DERA: variants seen among roughly 807,000 people sequenced by gnomAD.
DERA encodes the protein deoxyribose-phosphate aldolase.
Under a neutral mutation model 41.1 loss-of-function variants are expected in DERA, and 15 were observed. The ratio of observed to expected loss-of-function variants is 0.37; its 90% CI spans 0.24 to 0.56. DERA has a LOEUF of 0.56. DERA is among the 20% of genes least tolerant of loss of function. The pLI is 0.81. For synonymous variants in DERA, 139 were observed against 137.4 expected, an observed-to-expected ratio of 1.01 and a Z score of -0.08; for missense variants, 396 against 403.4, an observed-to-expected ratio of 0.98 and a Z score of 0.16.
chr12:15,932,205 C>A (rs1948333515), intron 1 of DERA, among the ~76,000 whole-genome samples: 1 of 152,152 alleles, frequency 6.6e-6, no homozygotes, highest in Non-Finnish European at 1.5e-5. Flanking sequence ...GACTGAAAAG[C>A]ATGAAAGAGA....
In DERA at chr12:15,982,374, C is replaced by T. The variant is rs372680144; in HGVS notation, c.575C>T (p.Ala192Val). 45 of 1,613,562 alleles carry T rather than the reference C, an allele frequency of 2.8e-5. No homozygotes were observed. Among genetic ancestry groups the T allele is most frequent in the Admixed American group, 1.5e-4 (9 of 59,964 alleles). Residue 192 changes from alanine (A) to valine (V), a missense_variant, in exon 6 of 9, where the codon GCG becomes GTG. Coordinates refer to ENST00000428559, the MANE Select transcript of DERA (RefSeq NM_015954.4). The surrounding 1 kb of genome is among the most constrained non-coding windows in gnomAD (Gnocchi z 4.0). The stretch of plus-strand genomic sequence containing the variant: ...GAGGCTCATCTTAAAACTATATTAG[C>T]GACAGGAGAACTTGGAACTCTTACT... ...CGEAHLKTIL[A>V]TGELGTLTNV...
At chr12:15,926,015 G>C (rs1431902190) in intron 1 of DERA, among the ~76,000 whole-genome samples, 2 of 151,422 alleles carry the variant, frequency 1.3e-5, no homozygotes, top group African/African-American at 4.9e-5. Context: ...TAGAGTCGGG[G>C]TTTCACTATG....
chr12:15,951,813 G>A (rs2136143355), intron 1 of DERA, among the ~76,000 whole-genome samples: 1 of 152,200 alleles, frequency 6.6e-6, no homozygotes, highest in Middle Eastern at 3.4e-3. Context: ...ATTTTAAAAA[G>A]CACACTGCTG....
chr12:16,022,328 C>G (rs909804505), intron 6 of DERA, among the ~76,000 whole-genome samples: 1 of 152,170 alleles, frequency 6.6e-6, no homozygotes, highest in Non-Finnish European at 1.5e-5. Context: ...TCCCAAGGCC[C>G]TTACCAGGAG....
At chr12:15,951,038 C>T (rs1264347542) in intron 1 of DERA, among the ~76,000 whole-genome samples, 2 of 152,166 alleles carry the variant, frequency 1.3e-5, no homozygotes. Context: ...GGTAGAGATC[C>T]CTGCAGATTC....
chr12:15,934,694 G>A (rs983062851), intron 1 of DERA, among the ~76,000 whole-genome samples: 6 of 152,058 alleles, frequency 3.9e-5, no homozygotes, highest in Admixed American at 6.5e-5. Flanking sequence ...CTCTTTCTTC[G>A]ACTTCTTGAT....
In DERA at chr12:15,938,670, T is replaced by A. The variant is rs2136134901; in HGVS notation, c.32-18266T>A. Among the ~76,000 whole-genome samples the A allele has an allele frequency of 6.6e-6, 1 of 152,348 alleles. No individual in the cohort carries two copies. The highest frequency in any genetic ancestry group is 2.1e-4 in the South Asian group (1 of 4,824). On this transcript the variant is annotated intron_variant, in intron 1 of 8. Transcript: ENST00000428559. The surrounding 1 kb of genome is among the most constrained non-coding windows in gnomAD (Gnocchi z 4.1). ...AGCACATTCTATAAATGGAGGATAT[T>A]TTCAATTCACATTTTTTAATTGAAA...
In DERA at chr12:15,993,969, G is replaced by T. The variant is rs1376737124; in HGVS notation, c.637+11533G>T. ...GTTTTCTTTGTTTCTTCATGGTTGG[G>T]CTTCTGTGAAGAAAGAAAAAGAGAG... is the stretch of plus-strand genomic sequence containing the variant. On this transcript the variant is annotated intron_variant, in intron 6 of 8. Transcript: ENST00000428559. The surrounding 1 kb of genome is among the most constrained non-coding windows in gnomAD (Gnocchi z 4.4). 6.6e-6 allele frequency among the ~76,000 whole-genome samples: 1 copy of T among 152,170 alleles called. No homozygotes were observed. The highest frequency in any genetic ancestry group is 1.5e-5 in the Non-Finnish European group (1 of 68,038).
chr12:15,926,946 G>A (rs993147634), intron 1 of DERA, among the ~76,000 whole-genome samples: 6 of 152,122 alleles, frequency 3.9e-5, no homozygotes, highest in African/African-American at 1.4e-4. Flanking sequence ...GAGAACTGAG[G>A]AAATAGTTGT....
At chr12:16,005,821 G>A (rs1276131457) in intron 6 of DERA, among the ~76,000 whole-genome samples, 1 of 152,230 alleles carries the variant, frequency 6.6e-6, no homozygotes, top group African/African-American at 2.4e-5. Context: ...ATTAGGTTAA[G>A]TCCTGTAGAC....
In DERA at chr12:15,969,440, C is replaced by T. The variant is rs116732686; in HGVS notation, c.508+6493C>T. Among the ~76,000 whole-genome samples, 946 of 152,258 alleles carry T rather than the reference C, an allele frequency of 6.2e-3. 8 individuals carry two copies. The highest frequency in any genetic ancestry group is 0.022 in the African/African-American group (905 of 41,548). On this transcript the variant is annotated intron_variant, in intron 5 of 8. Coordinates refer to ENST00000428559, the MANE Select transcript of DERA (RefSeq NM_015954.4). Reference sequence around the variant, plus strand: ...CATTCCACACTGGAGCACCAGCAGACGTAGTTCCAAAGGTGGCTAGGATTG... The same window carrying T: ...CATTCCACACTGGAGCACCAGCAGATGTAGTTCCAAAGGTGGCTAGGATTG...
In DERA at chr12:15,958,269, CT is replaced by C; in HGVS notation, c.212del (p.Leu71ProfsTer14). On this transcript the variant is annotated frameshift_variant, in exon 3 of 9. Coordinates refer to ENST00000428559, the MANE Select transcript of DERA (RefSeq NM_015954.4). LOFTEE classifies it high-confidence loss of function. ...TGATACATCTTCCAACATTCAAAGG[CT>C]CTGTTATAAAGCCAAATACCCAATC... ...GDDTSSNIQR[L>X]CYKAKYPIRE... 4.4e-6 allele frequency: 7 copies of C among 1,599,620 alleles called. No homozygotes were observed. The highest frequency in any genetic ancestry group is 6.0e-6 in the Non-Finnish European group (7 of 1,172,426).
At chr12:16,024,812 A>G in intron 6 of DERA, among the ~76,000 whole-genome samples, 1 of 152,298 alleles carries the variant, frequency 6.6e-6, no homozygotes, top group South Asian at 2.1e-4. Flanking sequence ...AATGAAAAAT[A>G]AAAATAAATT....
Position 16,004,024 on chromosome 12 carries a change from A to G in DERA, c.637+21588A>G, listed in dbSNP as rs915135192. On this transcript the variant is annotated intron_variant, in intron 6 of 8. Coordinates refer to ENST00000428559, the MANE Select transcript of DERA (RefSeq NM_015954.4). This position sits in a 1 kb window ranked among gnomAD's most constrained non-coding sequence, Gnocchi z 4.2. Reference sequence around the variant, plus strand: ...TCATTAAGTGCAGTAAGAGTAAAACATGCTTTTCTGGGCTGGCTGGGACTT... The same window carrying G: ...TCATTAAGTGCAGTAAGAGTAAAACGTGCTTTTCTGGGCTGGCTGGGACTT... Among the ~76,000 whole-genome samples, 3 of 152,128 alleles carry G rather than the reference A, an allele frequency of 2.0e-5. No individual in the cohort carries two copies. Among genetic ancestry groups the G allele is most frequent in the African/African-American group, 4.8e-5 (2 of 41,418 alleles).
chr12:15,976,265 A>G lies in DERA; in HGVS notation c.509-6043A>G, dbSNP rs12314281. ...TTTATCAATATTTGCCTTTTTATCA[A>G]TTGCTTTGTGTTTGACAATCTCTAG... On this transcript the variant is annotated intron_variant, in intron 5 of 8. Transcript: ENST00000428559. This position sits in a 1 kb window ranked among gnomAD's most constrained non-coding sequence, Gnocchi z 4.1. 0.054 allele frequency among the ~76,000 whole-genome samples: 8,140 copies of G among 151,962 alleles called. 288 individuals are homozygous for G. Among genetic ancestry groups the G allele is most frequent in the Non-Finnish European group, 0.083 (5,656 of 67,958 alleles).
chr12:15,997,785 C>T (rs1948849132), intron 6 of DERA, among the ~76,000 whole-genome samples: 1 of 152,166 alleles, frequency 6.6e-6, no homozygotes, highest in Admixed American at 6.5e-5. Context: ...TTGCCTGTCA[C>T]CCCTTTTGTC....
At chr12:16,007,562 A>G (rs2136177186) in intron 6 of DERA, among the ~76,000 whole-genome samples, 1 of 152,328 alleles carries the variant, frequency 6.6e-6, no homozygotes, top group African/African-American at 2.4e-5. Context: ...AGTTTCTAGT[A>G]TCCACTTAGT....
intron 5 of DERA, among the ~76,000 whole-genome samples, chr12:15,964,907 G>A (rs1199971770): frequency 3.9e-5 from 6 of 152,118 alleles, no homozygotes; most frequent in Non-Finnish European, 8.8e-5. Context: ...CCAATAACAG[G>A]CGTTTATGCA....
chr12:15,920,606 G>A (rs1037822693), intron 1 of DERA, among the ~76,000 whole-genome samples: 4 of 152,176 alleles, frequency 2.6e-5, no homozygotes, highest in African/African-American at 9.7e-5. Context: ...AGGCTGAGGC[G>A]GGCGGATCAT....
Sources: gnomAD v4.1 joint callset for allele counts (sites outside exome capture counted in the v4.1 genomes callset) on GRCh38, gnomAD v4.1.1 for gene constraint, Gnocchi (gnomAD v3.1) non-coding constraint, MANE v1.5 for transcripts, NCBI Gene and HGNC (gene_info 2026-07-23, HGNC 2026-07-21) for gene names.